PPARGC1A: variants seen among roughly 807,000 people sequenced by gnomAD.
PPARGC1A encodes the protein peroxisome proliferator-activated receptor gamma coactivator 1-alpha.
A neutral mutation model predicts 88.7 loss-of-function variants in PPARGC1A; 25 were observed. The ratio of observed to expected loss-of-function variants is 0.28; its 90% CI spans 0.21 to 0.39. The LOEUF is 0.39. PPARGC1A is among the 10% of genes least tolerant of loss of function. The pLI, the probability that PPARGC1A is intolerant of heterozygous loss-of-function variation, is 1.00. For missense variants in PPARGC1A, 880 were observed against 968.7 expected, an observed-to-expected ratio of 0.91 and a Z score of 1.22; for synonymous variants, 363 against 355.6, an observed-to-expected ratio of 1.02 and a Z score of -0.24.
At chr4:24,018,278 C>T in the PPARGC1A span, among the ~76,000 whole-genome samples, 1 of 152,058 alleles carries the variant, frequency 6.6e-6, no homozygotes, top group African/African-American at 2.4e-5. Flanking sequence ...GCTTTTTCTC[C>T]CTGAACAGGT....
At chr4:24,463,055 C>T in the PPARGC1A span, among the ~76,000 whole-genome samples, 1 of 152,046 alleles carries the variant, frequency 6.6e-6, no homozygotes, top group Non-Finnish European at 1.5e-5. Flanking sequence ...CCTGCAGCTC[C>T]CTCGACTTCA....
At chr4:24,056,456 T>A in the PPARGC1A span, among the ~76,000 whole-genome samples, 1 of 152,250 alleles carries the variant, frequency 6.6e-6, no homozygotes, top group East Asian at 1.9e-4. Flanking sequence ...TGTGCTCATA[T>A]TCAATGAGCA....
At chr4:24,107,926 C>CA in the PPARGC1A span, among the ~76,000 whole-genome samples, 1 of 152,004 alleles carries the variant, frequency 6.6e-6, no homozygotes, top group Non-Finnish European at 1.5e-5. Flanking sequence ...ATTAGGTTTG[C>CA]CAAGTAGATA....
At chr4:23,937,020 G>A in the PPARGC1A span, among the ~76,000 whole-genome samples, 1 of 151,968 alleles carries the variant, frequency 6.6e-6, no homozygotes, top group Admixed American at 6.6e-5. Flanking sequence ...ACTTCTGTGC[G>A]AAGTCACGAA....
the PPARGC1A span, among the ~76,000 whole-genome samples, chr4:24,102,861 A>G: frequency 6.6e-6 from 1 of 152,190 alleles, no homozygotes; most frequent in African/African-American, 2.4e-5. Context: ...TCCCAGCTAA[A>G]GCCGAGGCTG....
the PPARGC1A span, among the ~76,000 whole-genome samples, chr4:24,374,611 T>C: frequency 6.7e-6 from 1 of 149,446 alleles, no homozygotes; most frequent in Non-Finnish European, 1.5e-5. Context: ...CTAAATGAGG[T>C]ATACGAACAG....
the PPARGC1A span, among the ~76,000 whole-genome samples, chr4:24,065,934 C>T: frequency 6.6e-6 from 1 of 152,220 alleles, no homozygotes; most frequent in Non-Finnish European, 1.5e-5. Context: ...CCACTTCCTT[C>T]TCAGAAGCTC....
At chr4:23,813,613 AT>A in intron 8 of PPARGC1A, 76 bp downstream of exon 8, 5 of 1,344,256 alleles carry the variant, frequency 3.7e-6, no homozygotes, top group Non-Finnish European at 5.0e-6. Context: ...CAGATTTCAA[AT>A]TTTTATTTGT....
At chr4:24,201,423 GT>G in the PPARGC1A span, among the ~76,000 whole-genome samples, 1 of 152,240 alleles carries the variant, frequency 6.6e-6, no homozygotes, top group Non-Finnish European at 1.5e-5. Context: ...CCTGGGTGTT[GT>G]TCACGAGCAG....
upstream of PPARGC1A, chr4:23,903,943 C>A: frequency 1.3e-6 from 1 of 763,222 alleles, no homozygotes; most frequent in Non-Finnish European, 1.6e-6. Flanking sequence ...AACCCACCTA[C>A]CAATAGCATA....
In PPARGC1A at chr4:23,866,596, C is replaced by T. The variant is rs553200805; in HGVS notation, c.234+18156G>A. Among the ~76,000 whole-genome samples, 32 of 152,280 alleles carry T rather than the reference C, an allele frequency of 2.1e-4. 1 individual carries two copies. The highest frequency in any genetic ancestry group is 7.7e-4 in the African/African-American group (32 of 41,546). ...CCAGGAAAATCAGACAGCTTATTGG[C>T]TTAGTTTGTTAGGCCAGGTTAAAGG... On this transcript the variant is annotated intron_variant, in intron 2 of 12. Coordinates refer to ENST00000264867, the MANE Select transcript of PPARGC1A (RefSeq NM_013261.5).
the PPARGC1A span, among the ~76,000 whole-genome samples, chr4:24,067,679 G>A: frequency 5.9e-5 from 9 of 152,310 alleles, no homozygotes; most frequent in South Asian, 1.0e-3. Context: ...GTTTAAGACC[G>A]TCTGTCCTCC....
At chr4:24,162,411 G>A in the PPARGC1A span, among the ~76,000 whole-genome samples, 5 of 152,070 alleles carry the variant, frequency 3.3e-5, no homozygotes, top group Non-Finnish European at 7.4e-5. Context: ...GAGCCAGGCT[G>A]ATCTGAGTAT....
the PPARGC1A span, among the ~76,000 whole-genome samples, chr4:24,301,058 A>T: frequency 3.9e-5 from 6 of 152,132 alleles, no homozygotes; most frequent in Non-Finnish European, 8.8e-5. Context: ...GAAAAAAAAA[A>T]TCCCTAATTT....
At chr4:23,977,170 A>G in the PPARGC1A span, among the ~76,000 whole-genome samples, 197 of 152,288 alleles carry the variant, frequency 1.3e-3, no homozygotes, top group Non-Finnish European at 2.0e-3. Context: ...AATATTGTAA[A>G]TAGTTATTAC....
the PPARGC1A span, among the ~76,000 whole-genome samples, chr4:24,404,765 A>G: frequency 6.6e-6 from 1 of 152,332 alleles, no homozygotes; most frequent in South Asian, 2.1e-4. Flanking sequence ...AGAGAAGCCA[A>G]AAGTCCTTTT....
chr4:23,894,820 T>C (rs566685227), upstream of PPARGC1A, among the ~76,000 whole-genome samples: 8 of 152,246 alleles, frequency 5.3e-5, no homozygotes, highest in South Asian at 1.7e-3. Flanking sequence ...AATAAAAGGG[T>C]GGTTAAAATC....
the PPARGC1A span, among the ~76,000 whole-genome samples, chr4:24,140,708 A>G: frequency 0.94 from 143,393 of 152,270 alleles, 67,633 homozygotes; most frequent in African/African-American, 0.99. Context: ...TGAGAGAAAC[A>G]TGACTCAGGA....
the PPARGC1A span, among the ~76,000 whole-genome samples, chr4:24,296,511 A>G: frequency 6.6e-6 from 1 of 152,046 alleles, no homozygotes; most frequent in African/African-American, 2.4e-5. Flanking sequence ...CTCTTTATCT[A>G]TGTCAGTTAG....
Sources: allele counts gnomAD v4.1 joint callset (sites outside exome capture counted in the v4.1 genomes callset), GRCh38; gene constraint gnomAD v4.1.1; transcripts MANE v1.5; gene names NCBI Gene and HGNC (gene_info 2026-07-23, HGNC 2026-07-21).